Variants in EMILIN2 observed in about 807,000 individuals in gnomAD.
The protein encoded by EMILIN2 is elastin microfibril interfacer 2, also known as EMILIN-2.
In EMILIN2, 71 loss-of-function variants were observed where a neutral mutation model predicts 87.1. That is an observed-to-expected ratio of 0.82 (90% CI 0.67 to 0.99). The LOEUF is 0.99. EMILIN2 is among the 50% of genes least tolerant of loss of function. The probability of loss-of-function intolerance (pLI) is 0.00; values close to 1 mark genes in which losing one functional copy is unlikely to be tolerated. For synonymous variants in EMILIN2, 581 were observed against 563.4 expected (o/e 1.03, Z -0.44); for missense variants, 1,407 against 1,371.8 (o/e 1.03, Z -0.40).
intron 2 of EMILIN2, among the ~76,000 whole-genome samples, chr18:2,851,972 G>T (rs146752275): frequency 1.9e-3 from 288 of 152,252 alleles, no homozygotes; most frequent in African/African-American, 6.7e-3. Context: ...CCACTGAGCC[G>T]CCTGCTAATC....
intron 2 of EMILIN2, among the ~76,000 whole-genome samples, chr18:2,876,113 C>G (rs2076746331): frequency 1.3e-5 from 2 of 151,392 alleles, no homozygotes; most frequent in South Asian, 4.2e-4. Context: ...TCCTGAGAAG[C>G]TGAGACAACA....
chr18:2,875,284 G>A (rs997852466), intron 2 of EMILIN2, among the ~76,000 whole-genome samples: 2 of 152,170 alleles, frequency 1.3e-5, no homozygotes, highest in African/African-American at 4.8e-5. Context: ...ACGGAGGGAG[G>A]GTCGCTTCAT....
intron 2 of EMILIN2, among the ~76,000 whole-genome samples, chr18:2,858,551 A>ATGTGTGTGTG (rs1568453987): frequency 4.5e-4 from 22 of 48,450 alleles, no homozygotes; most frequent in African/African-American, 3.0e-3. Flanking sequence ...ATATATATAT[A>ATGTGTGTGTG]TATATATATA....
intron 2 of EMILIN2, among the ~76,000 whole-genome samples, chr18:2,878,149 G>C (rs1598493568): frequency 6.6e-6 from 1 of 152,062 alleles, no homozygotes; most frequent in East Asian, 1.9e-4. Context: ...ACAACGTTAA[G>C]TGTGCTTAAC....
intron 2 of EMILIN2, among the ~76,000 whole-genome samples, chr18:2,868,956 T>A (rs1467907006): frequency 2.8e-4 from 5 of 17,930 alleles, no homozygotes; most frequent in African/African-American, 5.9e-4. Flanking sequence ...TTGAAGGGAG[T>A]TTTTTTTTTT....
chr18:2,896,215 G>T (rs2076862642), intron 4 of EMILIN2, among the ~76,000 whole-genome samples: 1 of 151,902 alleles, frequency 6.6e-6, no homozygotes, highest in Non-Finnish European at 1.5e-5. Context: ...TCCCTTTGTT[G>T]CTGGGGCTGG....
intron 4 of EMILIN2, among the ~76,000 whole-genome samples, chr18:2,895,546 G>A (rs1359089199): frequency 6.6e-6 from 1 of 152,222 alleles, no homozygotes; most frequent in Non-Finnish European, 1.5e-5. Flanking sequence ...TGTGGCATCA[G>A]CTTGAGTCGC....
rs747029844 is a variant in EMILIN2 at position 2,891,318 on chromosome 18, C to T, written c.1191C>T (p.Cys397=). The T allele has an allele frequency of 9.2e-5, 149 of 1,614,018 alleles. No homozygotes were observed. The highest frequency in any genetic ancestry group is 1.1e-4 in the Non-Finnish European group (127 of 1,180,036). Residue 397 remains cysteine (C), a synonymous_variant, in exon 4 of 8, where the codon TGC becomes TGT. Coordinates refer to ENST00000254528, the MANE Select transcript of EMILIN2 (RefSeq NM_032048.3). The surrounding 1 kb of genome is among the most constrained non-coding windows in gnomAD (Gnocchi z 4.6). ...LQEPSAQANC[C]DSEKNGDIGQ... is the part of the protein sequence containing the mutation. ...AGCCTTCAGCCCAGGCAAATTGCTGCGACAGTGAAAAGAATGGTGACATTG... is the reference window on the plus strand; with the variant it reads ...AGCCTTCAGCCCAGGCAAATTGCTGTGACAGTGAAAAGAATGGTGACATTG...
chr18:2,858,281 C>T (rs1157350154), intron 2 of EMILIN2, among the ~76,000 whole-genome samples: 2 of 150,824 alleles, frequency 1.3e-5, no homozygotes, highest in African/African-American at 4.9e-5. Flanking sequence ...ATACACGGAA[C>T]CCAATTTGTA....
At chr18:2,850,051 C>T (rs914582647) in intron 2 of EMILIN2, among the ~76,000 whole-genome samples, 1 of 151,054 alleles carries the variant, frequency 6.6e-6, no homozygotes, top group Non-Finnish European at 1.5e-5. Flanking sequence ...CTCAGCCTCC[C>T]GAGTAGCTGG....
At position 2,890,705 on chromosome 18, in the gene EMILIN2, G is replaced by A. The variant is rs114639659; in HGVS notation, c.578G>A (p.Arg193Gln). Residue 193 changes from arginine (R) to glutamine (Q), a missense_variant, in exon 4 of 8, where the codon CGA becomes CAA. Physicochemically the swap from Arg to Gln is conservative, Grantham distance 43 (BLOSUM62 1). Transcript: ENST00000254528. This position sits in a 1 kb window ranked among gnomAD's most constrained non-coding sequence, Gnocchi z 4.7. ...KIQVLEEKVL[R>Q]LTRTVLDLQS... ...CAGGTGCTAGAGGAGAAGGTTCTTC[G>A]ACTCACAAGGACGGTTCTTGACCTC... 808 of 1,614,114 alleles carry A rather than the reference G, an allele frequency of 5.0e-4. No individual in the cohort carries two copies. The highest frequency in any genetic ancestry group is 8.3e-4 in the Middle Eastern group (5 of 6,060).
chr18:2,855,906 C>T (rs984659717), intron 2 of EMILIN2, among the ~76,000 whole-genome samples: 1 of 152,180 alleles, frequency 6.6e-6, no homozygotes, highest in East Asian at 1.9e-4. Flanking sequence ...TCACCGTTTT[C>T]ATTGTTTGTC....
intron 2 of EMILIN2, among the ~76,000 whole-genome samples, chr18:2,868,008 G>C (rs1432459110): frequency 6.6e-6 from 1 of 152,108 alleles, no homozygotes; most frequent in Non-Finnish European, 1.5e-5. Context: ...TCCCGGACGG[G>C]GTGGCTGCCG....
chr18:2,846,754 G>A (rs890003903), upstream of EMILIN2: 38 of 985,286 alleles, frequency 3.9e-5, no homozygotes, highest in Non-Finnish European at 4.6e-5. This position sits in a 1 kb window ranked among gnomAD's most constrained non-coding sequence, Gnocchi z 5.3. Flanking sequence ...GGTGGGAGGC[G>A]GAGTCGCTCG....
intron 2 of EMILIN2, among the ~76,000 whole-genome samples, chr18:2,874,129 G>T (rs56983505): frequency 0.87 from 132,180 of 151,964 alleles, 57,621 homozygotes; most frequent in East Asian, 0.99. Context: ...TCTTACCCCC[G>T]CATGGCCACC....
At chr18:2,864,979 A>G (rs2076679253) in intron 2 of EMILIN2, among the ~76,000 whole-genome samples, 1 of 152,092 alleles carries the variant, frequency 6.6e-6, no homozygotes, top group Admixed American at 6.5e-5. Flanking sequence ...ATCTTCCATC[A>G]CTGATACCCT....
chr18:2,884,354 CAATT>C (rs2144024058), intron 2 of EMILIN2, among the ~76,000 whole-genome samples: 1 of 152,304 alleles, frequency 6.6e-6, no homozygotes, highest in Non-Finnish European at 1.5e-5. Context: ...TGGATTCAAA[CAATT>C]CTCGTGCCTC....
chr18:2,867,864 G>A (rs568452867), intron 2 of EMILIN2, among the ~76,000 whole-genome samples: 12 of 152,068 alleles, frequency 7.9e-5, no homozygotes, highest in South Asian at 2.1e-4. Context: ...TGAGCTGTTG[G>A]GTACACCTCC....
intron 6 of EMILIN2, 77 bp downstream of exon 6, chr18:2,909,052 T>G: frequency 6.5e-7 from 1 of 1,544,170 alleles, no homozygotes; most frequent in South Asian, 1.1e-5. Context: ...ATCTCCTGCC[T>G]CCTCCCTCCA....
Sources: gnomAD v4.1 joint callset for allele counts (sites outside exome capture counted in the v4.1 genomes callset) on GRCh38, gnomAD v4.1.1 for gene constraint, Gnocchi (gnomAD v3.1) non-coding constraint, MANE v1.5 for transcripts, NCBI Gene and HGNC (gene_info 2026-07-23, HGNC 2026-07-21) for gene names.